The following GPM6A variants were observed in gnomAD, a reference collection of about 807,000 sequenced individuals.
GPM6A encodes glycoprotein M6A.
Under a neutral mutation model 32.1 loss-of-function variants are expected in GPM6A, and 7 were observed. The ratio of observed to expected loss-of-function variants is 0.22; its 90% confidence interval spans 0.12 to 0.41. GPM6A has a LOEUF of 0.41. GPM6A is among the 10% of genes least tolerant of loss of function. The probability of loss-of-function intolerance (pLI) is 1.00; values close to 1 mark genes in which losing one functional copy is unlikely to be tolerated. For synonymous variants in GPM6A, 130 were observed against 123.4 expected, an observed-to-expected ratio of 1.05 and a Z score of -0.35; for missense variants, 235 against 347.2, an observed-to-expected ratio of 0.68 and a Z score of 2.57.
intron 2 of GPM6A, among the ~76,000 whole-genome samples, chr4:175,683,489 G>A (rs776593376): frequency 2.0e-5 from 3 of 152,124 alleles, no homozygotes; most frequent in Non-Finnish European, 4.4e-5. Context: ...AGATTTGGGA[G>A]AGTCCAGGAG....
At chr4:175,815,907 G>A (rs1404268064), upstream of GPM6A, among the ~76,000 whole-genome samples, 1 of 151,844 alleles carries the variant, frequency 6.6e-6, no homozygotes, top group East Asian at 1.9e-4. Flanking sequence ...AGCAGAGACG[G>A]GGTTTCTCCA....
At chr4:175,856,507 T>C (rs1416003695) in intron 1 of GPM6A, among the ~76,000 whole-genome samples, 1 of 152,192 alleles carries the variant, frequency 6.6e-6, no homozygotes, top group Non-Finnish European at 1.5e-5. Flanking sequence ...ACAAACAGTT[T>C]TTGCTTTGCT....
At chr4:175,855,172 C>A (rs1736379693) in intron 1 of GPM6A, among the ~76,000 whole-genome samples, 1 of 152,132 alleles carries the variant, frequency 6.6e-6, no homozygotes, top group South Asian at 2.1e-4. Context: ...TCAAAAATTA[C>A]TATGCATACA....
intron 1 of GPM6A, among the ~76,000 whole-genome samples, chr4:175,821,099 A>C (rs776524198): frequency 9.2e-5 from 14 of 152,266 alleles, no homozygotes; most frequent in Middle Eastern, 6.8e-3. Context: ...GCCAATTTAA[A>C]TTTCCCTAAG....
intron 1 of GPM6A, among the ~76,000 whole-genome samples, chr4:175,878,985 A>C (rs1250433270): frequency 2.0e-5 from 3 of 152,146 alleles, no homozygotes; most frequent in Admixed American, 6.5e-5. Flanking sequence ...AGATACTCTA[A>C]ATCATCTCTC....
chr4:175,872,320 AC>A (rs1736936998), intron 1 of GPM6A, among the ~76,000 whole-genome samples: 1 of 152,104 alleles, frequency 6.6e-6, no homozygotes, highest in African/African-American at 2.4e-5. Context: ...TCTACTCCAG[AC>A]TTACACCCTT....
At chr4:175,815,471 A>G (rs1009257968), upstream of GPM6A, among the ~76,000 whole-genome samples, 1 of 152,216 alleles carries the variant, frequency 6.6e-6, no homozygotes, top group Non-Finnish European at 1.5e-5. Context: ...AAAATATACT[A>G]TATAAAGCTT....
Position 175,640,114 on chromosome 4 carries a change from G to T in GPM6A, c.684+15C>A, listed in dbSNP as rs199511461. Reference sequence around the variant, plus strand: ...TTCACATTGAAAACCAAGCACCAGCGCTTTGAGGTCTTACCATAGCAATGA... The same window carrying T: ...TTCACATTGAAAACCAAGCACCAGCTCTTTGAGGTCTTACCATAGCAATGA... On this transcript the variant is annotated intron_variant, in intron 6 of 6. Coordinates refer to ENST00000393658, the MANE Select transcript of GPM6A (RefSeq NM_201591.3). 2 of 1,597,426 alleles carry T rather than the reference G, an allele frequency of 1.3e-6. No individual in the cohort carries two copies. Among genetic ancestry groups the T allele is most frequent in the Non-Finnish European group, 1.7e-6 (2 of 1,165,044 alleles).
chr4:175,779,012 G>C (rs1218094994), intron 1 of GPM6A, among the ~76,000 whole-genome samples: 1 of 151,798 alleles, frequency 6.6e-6, no homozygotes, highest in Non-Finnish European at 1.5e-5. Context: ...TATAACATTT[G>C]TTGGTAATTG....
At chr4:175,972,700 T>C (rs941771862) in intron 1 of GPM6A, among the ~76,000 whole-genome samples, 1 of 152,242 alleles carries the variant, frequency 6.6e-6, no homozygotes, top group Non-Finnish European at 1.5e-5. Flanking sequence ...GGCTTGTTTC[T>C]TTGCATATGT....
chr4:175,850,342 T>C (rs763743756), intron 1 of GPM6A, among the ~76,000 whole-genome samples: 1 of 152,032 alleles, frequency 6.6e-6, no homozygotes, highest in Admixed American at 6.6e-5. Context: ...GAGGAAAAAA[T>C]GGAACATTTT....
intron 3 of GPM6A, among the ~76,000 whole-genome samples, chr4:175,671,941 T>A (rs976114570): frequency 6.6e-6 from 1 of 150,978 alleles, no homozygotes; most frequent in Non-Finnish European, 1.5e-5. Context: ...GCCACCCTTC[T>A]GGTCTGTTGG....
At chr4:175,749,367 C>T (rs944631014) in intron 1 of GPM6A, among the ~76,000 whole-genome samples, 3 of 152,048 alleles carry the variant, frequency 2.0e-5, no homozygotes, top group African/African-American at 7.2e-5. Context: ...GAGCACATGT[C>T]AACAGTGAGC....
intron 1 of GPM6A, among the ~76,000 whole-genome samples, chr4:175,749,543 T>C (rs1221211774): frequency 6.6e-6 from 1 of 152,212 alleles, no homozygotes; most frequent in Non-Finnish European, 1.5e-5. Flanking sequence ...ATACAGAAGA[T>C]AGCTTTAAAA....
chr4:175,836,748 C>T (rs1160400909), intron 1 of GPM6A, among the ~76,000 whole-genome samples: 2 of 151,976 alleles, frequency 1.3e-5, no homozygotes, highest in Non-Finnish European at 2.9e-5. Flanking sequence ...TATGATGTTA[C>T]AATGACAATG....
chr4:175,826,203 C>A (rs1461684514), intron 1 of GPM6A, among the ~76,000 whole-genome samples: 1 of 152,012 alleles, frequency 6.6e-6, no homozygotes, highest in African/African-American at 2.4e-5. Flanking sequence ...ATCATTCAGT[C>A]TCAAAAACCA....
chr4:175,858,424 C>T (rs1002741447), intron 1 of GPM6A, among the ~76,000 whole-genome samples: 19 of 151,338 alleles, frequency 1.3e-4, no homozygotes, highest in East Asian at 1.9e-4. Flanking sequence ...CTCAGCTACT[C>T]GGGAGGCTGA....
At chr4:175,825,135 T>C (rs28533175) in intron 1 of GPM6A, among the ~76,000 whole-genome samples, 8,950 of 152,240 alleles carry the variant, frequency 0.059, 851 homozygotes, top group African/African-American at 0.21. Context: ...AATTGAATTG[T>C]AAATTTAAAA....
chr4:175,646,085 T>C (rs1165117043), intron 4 of GPM6A, among the ~76,000 whole-genome samples: 2 of 152,198 alleles, frequency 1.3e-5, no homozygotes, highest in African/African-American at 4.8e-5. Flanking sequence ...TCTGATTACA[T>C]TGATGCCACC....
Sources: gnomAD v4.1 joint callset for allele counts (sites outside exome capture counted in the v4.1 genomes callset) on GRCh38, gnomAD v4.1.1 for gene constraint, MANE v1.5 for transcripts, NCBI Gene and HGNC (gene_info 2026-07-23, HGNC 2026-07-21) for gene names.